Variants in SNAP47 observed in about 807,000 individuals in gnomAD.
SNAP47 encodes synaptosomal-associated protein 47.
A neutral mutation model predicts 31.4 loss-of-function variants in SNAP47; 20 were observed. The observed-to-expected ratio is 0.64, with a 90% CI of 0.45 to 0.93. The LOEUF (loss-of-function observed/expected upper bound fraction) is 0.93. SNAP47 is among the 40% of genes least tolerant of loss of function. The pLI is 0.00. For missense variants in SNAP47, 492 were observed against 528.5 expected, an observed-to-expected ratio of 0.93 and a Z score of 0.68; for synonymous variants, 194 against 213.4, an observed-to-expected ratio of 0.91 and a Z score of 0.79.
intron 4 of SNAP47, among the ~76,000 whole-genome samples, chr1:227,771,426 C>T (rs893400289): frequency 1.3e-5 from 2 of 152,052 alleles, no homozygotes; most frequent in Non-Finnish European, 2.9e-5. Context: ...ACAGGGTGCC[C>T]TGCAGCCCAA....
intron 3 of SNAP47, among the ~76,000 whole-genome samples, chr1:227,760,530 C>T (rs1455604049): frequency 6.6e-6 from 1 of 152,206 alleles, no homozygotes; most frequent in African/African-American, 2.4e-5. Flanking sequence ...GAGGGGCAGA[C>T]ACCCTGGGTC....
intron 3 of SNAP47, among the ~76,000 whole-genome samples, chr1:227,764,874 A>G (rs918257227): frequency 6.6e-6 from 1 of 152,146 alleles, no homozygotes; most frequent in Non-Finnish European, 1.5e-5. Flanking sequence ...ACTGCACTCC[A>G]GCCTGGGCGA....
chr1:227,732,344 C>T, upstream of SNAP47: 2 of 1,596,438 alleles, frequency 1.3e-6, no homozygotes, highest in Non-Finnish European at 1.7e-6. Context: ...GGCCCCGGAG[C>T]AGGAGGCTGC....
intron 4 of SNAP47, chr1:227,776,223 T>A: frequency 1.9e-6 from 2 of 1,075,628 alleles, no homozygotes; most frequent in Non-Finnish European, 2.3e-6. Context: ...CTGCAGCTTC[T>A]CTTAGGAACA....
At position 227,763,507 on chromosome 1, in the gene SNAP47, A is replaced by G. The variant is rs1034916726; in HGVS notation, c.989-3452A>G. On this transcript the variant is annotated intron_variant, in intron 3 of 4. Coordinates refer to ENST00000617596, the MANE Select transcript of SNAP47 (RefSeq NM_053052.4). This position sits in a 1 kb window ranked among gnomAD's most constrained non-coding sequence, Gnocchi z 4.2. Reference sequence around the variant, plus strand: ...GCTGAGGTTGTCTCTGCAGTTCGTTAGTGCCAGGCGTCTTTTGAGGCAGGG... The same window carrying G: ...GCTGAGGTTGTCTCTGCAGTTCGTTGGTGCCAGGCGTCTTTTGAGGCAGGG... Among the ~76,000 whole-genome samples, 9 of 152,196 alleles carry G rather than the reference A, an allele frequency of 5.9e-5. No individual in the cohort carries two copies. Among genetic ancestry groups the G allele is most frequent in the Non-Finnish European group, 1.3e-4 (9 of 68,030 alleles).
intron 4 of SNAP47, among the ~76,000 whole-genome samples, chr1:227,775,309 A>G (rs147544716): frequency 6.6e-5 from 10 of 152,346 alleles, no homozygotes; most frequent in Admixed American, 6.5e-4. Flanking sequence ...AGTTGTAGAC[A>G]GCTTGATTTA....
rs1308862236 is a variant in SNAP47, at chr1:227,763,249, T to TGG, written c.989-3709_989-3708insGG. Among the ~76,000 whole-genome samples, 1 of 152,154 alleles carries TGG rather than the reference T, an allele frequency of 6.6e-6. No homozygotes were observed. The highest frequency in any genetic ancestry group is 1.5e-5 in the Non-Finnish European group (1 of 68,020). On this transcript the variant is annotated intron_variant, in intron 3 of 4. Coordinates refer to ENST00000617596, the MANE Select transcript of SNAP47 (RefSeq NM_053052.4). The surrounding 1 kb of genome is among the most constrained non-coding windows in gnomAD (Gnocchi z 4.2). Reference sequence around the variant, plus strand: ...GGATTTCAGGCGTGAGCCTCTACCCTGCTGTGCACAGCGTATTTGAAGGCT... The same window carrying TGG: ...GGATTTCAGGCGTGAGCCTCTACCCTGGGCTGTGCACAGCGTATTTGAAGGCT...
At chr1:227,774,261 TCTGTTCA>T (rs2102995326) in intron 4 of SNAP47, among the ~76,000 whole-genome samples, 1 of 152,372 alleles carries the variant, frequency 6.6e-6, no homozygotes, top group East Asian at 1.9e-4. Context: ...GCTTAGCTGT[TCTGTTCA>T]TTTTGACACG....
upstream of SNAP47, chr1:227,733,646 C>T: frequency 4.4e-6 from 7 of 1,603,710 alleles, no homozygotes; most frequent in Non-Finnish European, 5.1e-6. Flanking sequence ...GACAGACCAG[C>T]TGAAGGAGCG....
chr1:227,735,352 A>C (rs948479564), upstream of SNAP47: 2 of 1,595,118 alleles, frequency 1.3e-6, no homozygotes, highest in South Asian at 2.2e-5. Context: ...TCGGAACCAG[A>C]AGACGCAGGG....
At chr1:227,761,108 G>A (rs1371867103) in intron 3 of SNAP47, among the ~76,000 whole-genome samples, 1 of 152,226 alleles carries the variant, frequency 6.6e-6, no homozygotes, top group Non-Finnish European at 1.5e-5. Flanking sequence ...TATACGTACA[G>A]CATGTAAAGC....
At chr1:227,735,411 T>C, upstream of SNAP47, 20 of 1,555,648 alleles carry the variant, frequency 1.3e-5, no homozygotes, top group Non-Finnish European at 1.7e-5. Context: ...CCTGCACGCA[T>C]GCGCGCGGCT....
chr1:227,742,062 G>A (rs1409852044), intron 1 of SNAP47, among the ~76,000 whole-genome samples: 2 of 149,660 alleles, frequency 1.3e-5, no homozygotes, highest in African/African-American at 2.5e-5. Flanking sequence ...TAAGTTTTAG[G>A]GTACGTGTGC....
At chr1:227,733,810 G>C (rs1255790332), upstream of SNAP47, 4 of 1,587,094 alleles carry the variant, frequency 2.5e-6, no homozygotes, top group Admixed American at 7.0e-5. Context: ...CCACTGTGAG[G>C]CCTGTGCCAA....
At chr1:227,743,462 C>T (rs898348796) in intron 1 of SNAP47, among the ~76,000 whole-genome samples, 2 of 152,232 alleles carry the variant, frequency 1.3e-5, no homozygotes, top group South Asian at 2.1e-4. Flanking sequence ...CCCTGAGCCC[C>T]GCCTCTCCTC....
chr1:227,738,006 G>GT (rs933965380), intron 1 of SNAP47, among the ~76,000 whole-genome samples: 103 of 151,582 alleles, frequency 6.8e-4, no homozygotes, highest in African/African-American at 2.1e-3. Flanking sequence ...TTTTGCTTTG[G>GT]TTTTTTTTGG....
chr1:227,771,192 T>C (rs1327994180), intron 4 of SNAP47, among the ~76,000 whole-genome samples: 1 of 152,232 alleles, frequency 6.6e-6, no homozygotes. Flanking sequence ...TCATGTCAAG[T>C]GTTCATCACG....
chr1:227,738,834 G>A (rs1286523016), intron 1 of SNAP47, among the ~76,000 whole-genome samples: 1 of 152,214 alleles, frequency 6.6e-6, no homozygotes, highest in Non-Finnish European at 1.5e-5. Context: ...AGTTCCTGCA[G>A]CTCCGTGGTT....
chr1:227,748,627 A>G (rs1192853440), intron 2 of SNAP47, among the ~76,000 whole-genome samples: 1 of 152,222 alleles, frequency 6.6e-6, no homozygotes. Flanking sequence ...CTCTGAGGTC[A>G]CAGAGGATGG....
Sources: gnomAD v4.1 joint callset for allele counts (sites outside exome capture counted in the v4.1 genomes callset) on GRCh38, gnomAD v4.1.1 for gene constraint, Gnocchi (gnomAD v3.1) non-coding constraint, MANE v1.5 for transcripts, NCBI Gene and HGNC (gene_info 2026-07-23, HGNC 2026-07-21) for gene names.